Variants in ZNF804A observed in about 807,000 individuals in gnomAD.
ZNF804A encodes the protein zinc finger protein 804A.
ZNF804A carries 2 observed loss-of-function variants against 16.5 expected under a neutral mutation model. That is an observed-to-expected ratio of 0.12 (90% CI 0.05 to 0.38). The LOEUF (loss-of-function observed/expected upper bound fraction) is 0.38, where lower values mean the gene tolerates loss of function less well. Among genes scored for constraint, ZNF804A ranks in the 10% least tolerant of loss-of-function variants. The pLI is 0.99. For synonymous variants in ZNF804A, 534 were observed against 489.6 expected (o/e 1.09, Z -1.20); for missense variants, 1,473 against 1,390.7 (o/e 1.06, Z -0.94).
At chr2:184,680,656 G>A (rs1692525782) in intron 1 of ZNF804A, among the ~76,000 whole-genome samples, 1 of 152,244 alleles carries the variant, frequency 6.6e-6, no homozygotes, top group African/African-American at 2.4e-5. Flanking sequence ...ACACCTCTTT[G>A]TCTTGCTCAA....
intron 1 of ZNF804A, among the ~76,000 whole-genome samples, chr2:184,804,637 A>C (rs1371008752): frequency 6.6e-6 from 1 of 152,224 alleles, no homozygotes; most frequent in Non-Finnish European, 1.5e-5. Flanking sequence ...ACAGCTATAA[A>C]ATTGGAAACC....
In ZNF804A at chr2:184,604,468, C is replaced by G. The variant is rs553260056; in HGVS notation, c.111+5398C>G. On this transcript the variant is annotated intron_variant, in intron 1 of 3. Coordinates refer to ENST00000302277, the MANE Select transcript of ZNF804A (RefSeq NM_194250.2). ...GATTACAGGCGTGAGCCACCGCGCTCGGCCACATTTTTAATGAAAATACAG... is the reference window on the plus strand; with the variant it reads ...GATTACAGGCGTGAGCCACCGCGCTGGGCCACATTTTTAATGAAAATACAG... Among the ~76,000 whole-genome samples the G allele has an allele frequency of 2.6e-5, 4 of 152,026 alleles. No individual in the cohort carries two copies. The South Asian group carries it at 6.2e-4, about 24-fold the overall frequency.
At chr2:184,870,422 AATGCTTTATATG>A (rs1293069583) in intron 2 of ZNF804A, among the ~76,000 whole-genome samples, 2 of 152,026 alleles carry the variant, frequency 1.3e-5, no homozygotes, top group Non-Finnish European at 2.9e-5. Context: ...CTTAGTTTAT[AATGCTTTATATG>A]ATTGCATAGA....
intron 1 of ZNF804A, among the ~76,000 whole-genome samples, chr2:184,641,108 C>T (rs912501614): frequency 6.6e-6 from 1 of 152,120 alleles, no homozygotes. Context: ...GAGCCGGCCA[C>T]TATGACTGGC....
chr2:184,882,899 C>A (rs1192032191), intron 2 of ZNF804A, among the ~76,000 whole-genome samples: 1 of 151,804 alleles, frequency 6.6e-6, no homozygotes, highest in Non-Finnish European at 1.5e-5. Context: ...AGCAAATCAA[C>A]CACAAAGCTA....
intron 2 of ZNF804A, among the ~76,000 whole-genome samples, chr2:184,893,230 G>A (rs1310588521): frequency 6.6e-6 from 1 of 151,918 alleles, no homozygotes; most frequent in Admixed American, 6.6e-5. Context: ...CTTTTTAAAT[G>A]TGTTTGCTCC....
intron 1 of ZNF804A, among the ~76,000 whole-genome samples, chr2:184,763,630 C>CTTTTTTT (rs1188087789): frequency 1.4e-4 from 3 of 21,256 alleles, no homozygotes; most frequent in Non-Finnish European, 2.3e-4. Context: ...CTTCAAAGTG[C>CTTTTTTT]TTTTTTTTTT....
At chr2:184,726,054 T>A (rs2105745050) in intron 1 of ZNF804A, among the ~76,000 whole-genome samples, 1 of 151,858 alleles carries the variant, frequency 6.6e-6, no homozygotes, top group East Asian at 1.9e-4. Flanking sequence ...TTTTGGTTGT[T>A]TCCAGTTTGG....
rs1693110312 is a variant in ZNF804A, at chr2:184,710,648, T to G, written c.111+111578T>G. ...CTTGTAAAACTGAAACTTTATACCC[T>G]TTGAAAAAGAACTCCTTATTTTTTT... On this transcript the variant is annotated intron_variant, in intron 1 of 3. Transcript: ENST00000302277. Among the ~76,000 whole-genome samples, 3 of 151,712 alleles carry G rather than the reference T, an allele frequency of 2.0e-5. No homozygotes were observed. In the South Asian group the frequency reaches 6.2e-4, roughly 31 times the overall value.
At chr2:184,923,534 T>C (rs1685564582) in intron 2 of ZNF804A, among the ~76,000 whole-genome samples, 1 of 151,948 alleles carries the variant, frequency 6.6e-6, no homozygotes, top group Admixed American at 6.6e-5. Context: ...GGATGCCTTT[T>C]ATTTCTTTCT....
chr2:184,770,909 A>G (rs559750867), intron 1 of ZNF804A, among the ~76,000 whole-genome samples: 1 of 152,228 alleles, frequency 6.6e-6, no homozygotes, highest in South Asian at 2.1e-4. Flanking sequence ...GGTATATTCA[A>G]TTGAAATATG....
chr2:184,682,554 T>A (rs1445351007), intron 1 of ZNF804A, among the ~76,000 whole-genome samples: 1 of 152,150 alleles, frequency 6.6e-6, no homozygotes, highest in African/African-American at 2.4e-5. Flanking sequence ...CCAACCCTTG[T>A]GGCACTGCAT....
chr2:184,759,902 A>G lies in ZNF804A; in HGVS notation c.112-106467A>G, dbSNP rs1694016723. The stretch of plus-strand genomic sequence containing the variant: ...AATCCTATAAAACAGCCCCACCTCT[A>G]TCTCCCTTTGCTGACTCTCTTTTCG... On this transcript the variant is annotated intron_variant, in intron 1 of 3. Transcript: ENST00000302277. Among the ~76,000 whole-genome samples, 3 of 151,964 alleles carry G rather than the reference A, an allele frequency of 2.0e-5. No homozygotes were observed. In the South Asian group the frequency reaches 6.2e-4, roughly 32 times the overall value.
rs118064472 is a variant in ZNF804A at position 184,922,755 on chromosome 2, A to G, written c.256-10848A>G. ...ATTTTTGCATATGGCAAAAAATAGG[A>G]GTCTAATTTCTTTCTTCTGCATATG... On this transcript the variant is annotated intron_variant, in intron 2 of 3. Coordinates refer to ENST00000302277, the MANE Select transcript of ZNF804A (RefSeq NM_194250.2). 1.9e-4 allele frequency among the ~76,000 whole-genome samples: 29 copies of G among 152,018 alleles called. No homozygotes were observed. In the East Asian group the frequency reaches 5.2e-3, roughly 27 times the overall value.
intron 1 of ZNF804A, among the ~76,000 whole-genome samples, chr2:184,608,882 A>G (rs545570746): frequency 6.6e-6 from 1 of 152,350 alleles, no homozygotes; most frequent in South Asian, 2.1e-4. Flanking sequence ...TTGGAGGATA[A>G]AACATCCACC....
intron 2 of ZNF804A, among the ~76,000 whole-genome samples, chr2:184,889,507 C>A (rs542815636): frequency 2.6e-4 from 39 of 151,896 alleles, no homozygotes; most frequent in African/African-American, 8.9e-4. Flanking sequence ...CACTTGCCTG[C>A]ATGTTCTGCA....
At chr2:184,929,493 G>A (rs1172859814) in intron 2 of ZNF804A, among the ~76,000 whole-genome samples, 6 of 151,948 alleles carry the variant, frequency 3.9e-5, no homozygotes, top group Non-Finnish European at 1.5e-5. Context: ...ATATATGTGT[G>A]TGTGTGTGTA....
At chr2:184,843,671 A>T (rs1450456584) in intron 1 of ZNF804A, among the ~76,000 whole-genome samples, 2 of 152,190 alleles carry the variant, frequency 1.3e-5, no homozygotes, top group African/African-American at 4.8e-5. Context: ...ATGAAGTTCC[A>T]GAGTTTTCAG....
intron 2 of ZNF804A, among the ~76,000 whole-genome samples, chr2:184,913,382 C>T (rs752142820): frequency 6.6e-6 from 1 of 152,084 alleles, no homozygotes. Flanking sequence ...TGTATGACTT[C>T]AAGTTATTCT....
Sources: allele counts gnomAD v4.1 joint callset (sites outside exome capture counted in the v4.1 genomes callset), GRCh38; gene constraint gnomAD v4.1.1; transcripts MANE v1.5; gene names NCBI Gene and HGNC (gene_info 2026-07-23, HGNC 2026-07-21).